The following PPM1L variants were observed in gnomAD, a reference collection of about 807,000 sequenced individuals.
PPM1L encodes the protein protein phosphatase 1L.
Under a neutral mutation model 31.4 loss-of-function variants are expected in PPM1L, and 13 were observed. That is an observed-to-expected ratio of 0.41 (90% CI 0.27 to 0.66). The LOEUF (loss-of-function observed/expected upper bound fraction) is 0.66, where lower values mean the gene tolerates loss of function less well. Among genes scored for constraint, PPM1L ranks in the 30% least tolerant of loss-of-function variants. The pLI, the probability that PPM1L is intolerant of heterozygous loss-of-function variation, is 0.29. For synonymous variants in PPM1L, 184 were observed against 175.4 expected, an observed-to-expected ratio of 1.05 and a Z score of -0.39; for missense variants, 326 against 453.7, an observed-to-expected ratio of 0.72 and a Z score of 2.56.
rs1366550017 is a variant in PPM1L, at chr3:160,944,889, A to T, written c.400-16847A>T. Among the ~76,000 whole-genome samples the T allele has an allele frequency of 1.7e-4, 14 of 83,800 alleles. 3 individuals carry two copies. The highest frequency in any genetic ancestry group is 6.2e-4 in the African/African-American group (14 of 22,436). The allele number at this position is 83,800 out of a possible 152,430, so 55.0% of individuals were successfully genotyped here. On this transcript the variant is annotated intron_variant, in intron 1 of 3. Transcript: ENST00000498165. ...TAATGTTATATATAACATATATATT[A>T]TATATAACTGATGTTACATATATAA... is the stretch of plus-strand genomic sequence containing the variant.
intron 1 of PPM1L, among the ~76,000 whole-genome samples, chr3:160,766,711 G>T (rs1331713096): frequency 6.7e-6 from 1 of 150,052 alleles, no homozygotes; most frequent in Non-Finnish European, 1.5e-5. Flanking sequence ...AAAAAAAGAA[G>T]CTACAAGTCT....
chr3:161,073,061 A>G lies in PPM1L; in HGVS notation c.*3904A>G, dbSNP rs1719982363. 6.6e-6 allele frequency: 1 copy of G among 152,218 alleles called. No individual in the cohort carries two copies. The highest frequency in any genetic ancestry group is 1.5e-5 in the Non-Finnish European group (1 of 68,036). The allele number at this position is 152,218 out of a possible 1,614,324, so 9.4% of individuals were successfully genotyped here. On this transcript the variant is annotated 3_prime_UTR_variant, in exon 4 of 4. Transcript: ENST00000498165. ...TTTTGAGCTAGTTAGCTGTAGAAAT[A>G]ATAGAATCCAGTGTTTCCCAAAGTG...
chr3:160,888,822 G>A (rs1448531573), intron 1 of PPM1L, among the ~76,000 whole-genome samples: 1 of 151,972 alleles, frequency 6.6e-6, no homozygotes, highest in East Asian at 1.9e-4. Context: ...ACAGACCACA[G>A]ACCACAGTGC....
chr3:160,960,515 A>G (rs1169934987), intron 1 of PPM1L, among the ~76,000 whole-genome samples: 1 of 151,620 alleles, frequency 6.6e-6, no homozygotes, highest in Non-Finnish European at 1.5e-5. Context: ...ATTGCCCCAG[A>G]TACCATCTTT....
At position 160,961,774 on chromosome 3, in the gene PPM1L, C is replaced by T. The variant is rs1161400099; in HGVS notation, c.438C>T (p.Ala146=). 4.4e-6 allele frequency: 7 copies of T among 1,598,974 alleles called. No homozygotes were observed. Among genetic ancestry groups the T allele is most frequent in the Non-Finnish European group, 6.0e-6 (7 of 1,173,818 alleles). ...ATGTAAAATCTCGACTCCCAGAGGC[C>T]CTTAAACAGCATCTTCAGGACTACG... ...AEYVKSRLPE[A]LKQHLQDYEK... is the part of the protein sequence containing the mutation. Residue 146 remains alanine (A), a synonymous_variant, in exon 2 of 4, where the codon GCC becomes GCT. Transcript: ENST00000498165.
chr3:160,998,577 A>G (rs184381901), intron 2 of PPM1L, among the ~76,000 whole-genome samples: 125 of 152,188 alleles, frequency 8.2e-4, no homozygotes, highest in African/African-American at 2.8e-3. Flanking sequence ...GAGATTTTTG[A>G]CAGGCATCTT....
chr3:160,918,242 A>T (rs558102211), intron 1 of PPM1L, among the ~76,000 whole-genome samples: 2 of 152,240 alleles, frequency 1.3e-5, no homozygotes, highest in African/African-American at 2.4e-5. Flanking sequence ...TGTCTTATCC[A>T]CTGTTATATA....
intron 2 of PPM1L, among the ~76,000 whole-genome samples, chr3:161,027,160 A>G (rs1443440400): frequency 6.6e-6 from 1 of 152,242 alleles, no homozygotes; most frequent in East Asian, 1.9e-4. Flanking sequence ...CTTAGCAGCT[A>G]CTAGGAAATT....
intron 1 of PPM1L, among the ~76,000 whole-genome samples, chr3:160,930,275 G>C (rs547407731): frequency 6.7e-6 from 1 of 150,110 alleles, no homozygotes; most frequent in Non-Finnish European, 1.5e-5. Flanking sequence ...AAAAAAAAAA[G>C]TGTTTTGTAA....
At chr3:160,981,198 T>G (rs2072421560) in intron 2 of PPM1L, among the ~76,000 whole-genome samples, 1 of 152,210 alleles carries the variant, frequency 6.6e-6, no homozygotes, top group South Asian at 2.1e-4. Flanking sequence ...ACTCCAAAAT[T>G]TAGCAGCTTA....
intron 1 of PPM1L, among the ~76,000 whole-genome samples, chr3:160,953,027 A>G (rs1715623277): frequency 6.6e-6 from 1 of 152,152 alleles, no homozygotes; most frequent in Non-Finnish European, 1.5e-5. Context: ...TATCTTGGCA[A>G]AGCACTCTGT....
intron 1 of PPM1L, among the ~76,000 whole-genome samples, chr3:160,958,755 A>G (rs1206484343): frequency 6.6e-6 from 1 of 152,232 alleles, no homozygotes; most frequent in Admixed American, 6.5e-5. Context: ...ATATAAATAT[A>G]AATCTGGAAC....
intron 2 of PPM1L, among the ~76,000 whole-genome samples, chr3:161,038,233 CAAA>C (rs71628440): frequency 4.5e-5 from 4 of 88,986 alleles, no homozygotes; most frequent in African/African-American, 8.4e-5. Flanking sequence ...GACTCCGTCT[CAAA>C]AAAAAAAAAA....
rs893145834 is a variant in PPM1L at position 161,077,011 on chromosome 3, C to A, written c.*7854C>A. On this transcript the variant is annotated 3_prime_UTR_variant, in exon 4 of 4. Coordinates refer to ENST00000498165, the MANE Select transcript of PPM1L (RefSeq NM_139245.4). ...GCATCTACTATGTGCCAGGCAGTGACTGTGTCTGAGTGAATGTATCCATGG... is the reference window on the plus strand; with the variant it reads ...GCATCTACTATGTGCCAGGCAGTGAATGTGTCTGAGTGAATGTATCCATGG... 1 of 152,154 alleles carries A rather than the reference C, an allele frequency of 6.6e-6. No homozygotes were observed. Among genetic ancestry groups the A allele is most frequent in the Non-Finnish European group, 1.5e-5 (1 of 68,038 alleles). The allele number at this position is 152,154 out of a possible 1,614,324, so 9.4% of individuals were successfully genotyped here. A position where few individuals can be genotyped will look rare whatever the true frequency, so the allele number is the denominator to read the frequency against.
At chr3:161,002,177 T>C (rs945723806) in intron 2 of PPM1L, among the ~76,000 whole-genome samples, 1 of 152,246 alleles carries the variant, frequency 6.6e-6, no homozygotes, top group African/African-American at 2.4e-5. Context: ...TCATCATTTT[T>C]TATGGCCGCA....
At chr3:160,920,978 G>T (rs1031476503) in intron 1 of PPM1L, among the ~76,000 whole-genome samples, 2 of 151,868 alleles carry the variant, frequency 1.3e-5, no homozygotes, top group East Asian at 3.9e-4. Flanking sequence ...CAGTTTTCTC[G>T]GTATCAGAAA....
At chr3:160,906,108 T>C (rs1022336449) in intron 1 of PPM1L, among the ~76,000 whole-genome samples, 4 of 152,156 alleles carry the variant, frequency 2.6e-5, no homozygotes, top group Non-Finnish European at 5.9e-5. Flanking sequence ...GTGTTCTGAT[T>C]CTTTAAAATT....
intron 2 of PPM1L, among the ~76,000 whole-genome samples, chr3:160,997,226 A>C (rs1471508558): frequency 6.6e-6 from 1 of 152,160 alleles, no homozygotes; most frequent in Non-Finnish European, 1.5e-5. Flanking sequence ...GGGAATTCCT[A>C]GTCATTAAAT....
At chr3:161,012,702 T>C (rs1277834354) in intron 2 of PPM1L, among the ~76,000 whole-genome samples, 2 of 152,158 alleles carry the variant, frequency 1.3e-5, no homozygotes, top group Non-Finnish European at 2.9e-5. Flanking sequence ...CAGCTCCTGT[T>C]ATTGGTCTAT....
Sources: gnomAD v4.1 joint callset for allele counts (sites outside exome capture counted in the v4.1 genomes callset) on GRCh38, gnomAD v4.1.1 for gene constraint, MANE v1.5 for transcripts, NCBI Gene and HGNC (gene_info 2026-07-23, HGNC 2026-07-21) for gene names.